The following PLCXD3 variants were observed in gnomAD, a reference collection of about 807,000 sequenced individuals.
PLCXD3 encodes PI-PLC X domain-containing protein 3.
In PLCXD3, 19 loss-of-function variants were observed where a neutral mutation model predicts 25.5. That is an observed-to-expected ratio of 0.75 (90% confidence interval 0.52 to 1.09). The LOEUF is 1.09. PLCXD3 is among the 50% of genes least tolerant of loss of function. The pLI, the probability that PLCXD3 is intolerant of heterozygous loss-of-function variation, is 0.00. For synonymous variants in PLCXD3, 174 were observed against 137.6 expected (o/e 1.26, Z -1.85); for missense variants, 411 against 388.1 (o/e 1.06, Z -0.50).
rs140332393 is a variant in PLCXD3, at chr5:41,510,460, T to C, written c.67A>G (p.Met23Val). The C allele has an allele frequency of 1.7e-5, 27 of 1,611,442 alleles. No homozygotes were observed. In the African/African-American group the frequency reaches 1.7e-4, roughly 10 times the overall value. The change falls in exon 1 of 3, where the codon ATG becomes GTG. Residue 23 changes from methionine to valine, a missense_variant. Met to Val is a conservative substitution (Grantham distance 21). Coordinates refer to ENST00000377801, the MANE Select transcript of PLCXD3 (RefSeq NM_001005473.3). The stretch of plus-strand genomic sequence containing the variant: ...AAATTGGTGAGGGGGATGCTGTGCA[T>C]GCTCTCCGGCAGAGTTGCCATCCAG... Reference protein sequence around the residue: ...ADWMATLPESMHSIPLTNLAI... With the variant: ...ADWMATLPESVHSIPLTNLAI...
chr5:41,360,012 C>T (rs538398088), intron 2 of PLCXD3, among the ~76,000 whole-genome samples: 2 of 152,198 alleles, frequency 1.3e-5, no homozygotes, highest in Admixed American at 6.5e-5. Flanking sequence ...ACAAACTTCT[C>T]GGAGCCTTTG....
At chr5:41,395,409 GA>G (rs1745972571) in intron 1 of PLCXD3, among the ~76,000 whole-genome samples, 1 of 151,252 alleles carries the variant, frequency 6.6e-6, no homozygotes, top group Admixed American at 6.6e-5. Flanking sequence ...TAATCTTAAA[GA>G]ACTAGAAAAG....
intron 1 of PLCXD3, among the ~76,000 whole-genome samples, chr5:41,396,792 A>G (rs1387601850): frequency 6.6e-6 from 1 of 152,232 alleles, no homozygotes; most frequent in Admixed American, 6.5e-5. Context: ...CAAAGCTCGC[A>G]CTTGCTATGC....
intron 2 of PLCXD3, among the ~76,000 whole-genome samples, chr5:41,341,559 C>A (rs191749847): frequency 9.9e-5 from 15 of 152,210 alleles, no homozygotes; most frequent in Admixed American, 2.6e-4. Flanking sequence ...TAGTCCTGTT[C>A]CTCAGCTGAA....
At chr5:41,341,849 C>T (rs956365292) in intron 2 of PLCXD3, among the ~76,000 whole-genome samples, 2 of 152,122 alleles carry the variant, frequency 1.3e-5, no homozygotes, top group African/African-American at 4.8e-5. Flanking sequence ...AATTGTGATG[C>T]CATCATACTG....
chr5:41,383,230 A>C (rs1000677841), intron 1 of PLCXD3, among the ~76,000 whole-genome samples: 1 of 152,132 alleles, frequency 6.6e-6, no homozygotes, highest in African/African-American at 2.4e-5. Flanking sequence ...GCATTTAAAA[A>C]TTGACAGCAT....
intron 1 of PLCXD3, among the ~76,000 whole-genome samples, chr5:41,435,191 C>T (rs1176870742): frequency 2.6e-5 from 4 of 152,040 alleles, no homozygotes; most frequent in Non-Finnish European, 5.9e-5. Context: ...TTCAATATGC[C>T]CTGGGCATTT....
chr5:41,416,121 C>T (rs1746686473), intron 1 of PLCXD3, among the ~76,000 whole-genome samples: 1 of 152,190 alleles, frequency 6.6e-6, no homozygotes, highest in Non-Finnish European at 1.5e-5. Context: ...CATCACTTTT[C>T]CATATCCACT....
chr5:41,322,526 C>T (rs1361787124), intron 2 of PLCXD3, among the ~76,000 whole-genome samples: 3 of 152,196 alleles, frequency 2.0e-5, no homozygotes, highest in Non-Finnish European at 2.9e-5. Context: ...GAAAATCGAG[C>T]TACCAAGTGA....
chr5:41,379,898 A>G (rs1229376308), intron 2 of PLCXD3, among the ~76,000 whole-genome samples: 1 of 152,114 alleles, frequency 6.6e-6, no homozygotes, highest in Non-Finnish European at 1.5e-5. Flanking sequence ...AGCAGAAATC[A>G]TAGAGAAAGT....
At chr5:41,413,870 T>C (rs7708032) in intron 1 of PLCXD3, among the ~76,000 whole-genome samples, 2,052 of 152,256 alleles carry the variant, frequency 0.013, 49 homozygotes, top group African/African-American at 0.046. Flanking sequence ...AAATATTTAT[T>C]TTTTAAAATG....
At chr5:41,327,639 G>A (rs1743671988) in intron 2 of PLCXD3, among the ~76,000 whole-genome samples, 1 of 152,156 alleles carries the variant, frequency 6.6e-6, no homozygotes, top group Non-Finnish European at 1.5e-5. Flanking sequence ...TTCTAAGTGA[G>A]TTATGTAATC....
intron 1 of PLCXD3, among the ~76,000 whole-genome samples, chr5:41,502,008 A>C (rs1748961584): frequency 6.6e-6 from 1 of 152,134 alleles, no homozygotes; most frequent in African/African-American, 2.4e-5. Context: ...TGTGGTAACA[A>C]ATTTTTTTTT....
chr5:41,494,702 A>G (rs986881488), intron 1 of PLCXD3, among the ~76,000 whole-genome samples: 8 of 152,242 alleles, frequency 5.3e-5, no homozygotes, highest in Non-Finnish European at 7.3e-5. Context: ...GATAGAGTCC[A>G]GCAAAGAGGT....
At chr5:41,323,151 T>G (rs1743525996) in intron 2 of PLCXD3, among the ~76,000 whole-genome samples, 1 of 152,032 alleles carries the variant, frequency 6.6e-6, no homozygotes, top group South Asian at 2.1e-4. Context: ...TGTCACTTAT[T>G]TATGAGATCT....
At chr5:41,442,544 G>A (rs985785597) in intron 1 of PLCXD3, among the ~76,000 whole-genome samples, 1 of 152,144 alleles carries the variant, frequency 6.6e-6, no homozygotes, top group African/African-American at 2.4e-5. Context: ...AGGATTAAAT[G>A]AAATAATGAA....
chr5:41,464,372 T>C (rs1485574574), intron 1 of PLCXD3, among the ~76,000 whole-genome samples: 1 of 152,060 alleles, frequency 6.6e-6, no homozygotes, highest in African/African-American at 2.4e-5. Context: ...AAAATGTACT[T>C]ACATGCACTA....
At chr5:41,385,741 T>C (rs1382327387) in intron 1 of PLCXD3, among the ~76,000 whole-genome samples, 2 of 152,078 alleles carry the variant, frequency 1.3e-5, no homozygotes. Flanking sequence ...ATAACTTCTG[T>C]CTTGTTACTT....
At position 41,323,220 on chromosome 5, in the gene PLCXD3, A is replaced by T. The variant is rs1250797367; in HGVS notation, c.813-9450T>A. On this transcript the variant is annotated intron_variant, in intron 2 of 2. Transcript: ENST00000377801. ...AGAAGGATGGTTACCAGAGGCTAGG[A>T]AGCATAGTGGGAGAGCTATGGATGA... Among the ~76,000 whole-genome samples the T allele has an allele frequency of 2.0e-5, 3 of 152,180 alleles. No individual in the cohort carries two copies. The East Asian group carries it at 5.8e-4, about 29-fold the overall frequency.
Sources: gnomAD v4.1 joint callset for allele counts (sites outside exome capture counted in the v4.1 genomes callset) on GRCh38, gnomAD v4.1.1 for gene constraint, MANE v1.5 for transcripts, NCBI Gene and HGNC (gene_info 2026-07-23, HGNC 2026-07-21) for gene names.